Variants in CCBE1 observed in about 807,000 individuals in gnomAD.
CCBE1 encodes collagen and calcium-binding EGF domain-containing protein 1.
A neutral mutation model predicts 50.0 loss-of-function variants in CCBE1; 37 were observed. That is an observed-to-expected ratio of 0.74 (90% CI 0.57 to 0.97). CCBE1 has a LOEUF of 0.97. CCBE1 is among the 50% of genes least tolerant of loss of function. The pLI, the probability that CCBE1 is intolerant of heterozygous loss-of-function variation, is 0.00. For synonymous variants in CCBE1, 234 were observed against 203.7 expected (o/e 1.15, Z -1.27); for missense variants, 538 against 523.8 (o/e 1.03, Z -0.26).
intron 2 of CCBE1, among the ~76,000 whole-genome samples, chr18:59,539,285 T>G (rs1166856935): frequency 6.6e-6 from 1 of 151,946 alleles, no homozygotes; most frequent in Non-Finnish European, 1.5e-5. Flanking sequence ...GTGGCTTGCA[T>G]GCTTCGATGA....
chr18:59,488,123 G>A (rs1224315454), intron 2 of CCBE1, among the ~76,000 whole-genome samples: 1 of 152,170 alleles, frequency 6.6e-6, no homozygotes, highest in Non-Finnish European at 1.5e-5. Context: ...ACTTATACGA[G>A]GTACCTAGAG....
chr18:59,606,063 T>C (rs1043070146), intron 2 of CCBE1, among the ~76,000 whole-genome samples: 1 of 152,186 alleles, frequency 6.6e-6, no homozygotes, highest in Non-Finnish European at 1.5e-5. Context: ...GCGATTCAAC[T>C]CCCATTTACC....
chr18:59,483,859 C>T (rs1912691801), intron 2 of CCBE1, among the ~76,000 whole-genome samples: 1 of 152,112 alleles, frequency 6.6e-6, no homozygotes, highest in East Asian at 1.9e-4. Context: ...GCTAAGGTCC[C>T]CCTGCCTGTA....
intron 5 of CCBE1, chr18:59,464,025 T>C (rs984141108): frequency 6.6e-6 from 1 of 152,226 alleles, no homozygotes; most frequent in Non-Finnish European, 1.5e-5. Flanking sequence ...CACCCTGTTT[T>C]TCAGTGAGAT....
chr18:59,543,395 A>T (rs948313064), intron 2 of CCBE1, among the ~76,000 whole-genome samples: 1 of 152,208 alleles, frequency 6.6e-6, no homozygotes, highest in African/African-American at 2.4e-5. Context: ...AAAGACTTAA[A>T]ATTTTCTATA....
Position 59,696,696 on chromosome 18 carries a change from C to A in CCBE1, c.145G>T (p.Glu49Ter). 1.9e-6 allele frequency: 3 copies of A among 1,613,986 alleles called. No homozygotes were observed. Among genetic ancestry groups the A allele is most frequent in the Non-Finnish European group, 1.7e-6 (2 of 1,179,902 alleles). ...PEDGDREICS[E>*]SKIATTKYPC... Reference sequence around the variant, plus strand: ...TATTTAGTCGTCGCGATTTTGCTCTCTGAGCAGATTTCTCTATGAAAAAGT... The same window carrying A: ...TATTTAGTCGTCGCGATTTTGCTCTATGAGCAGATTTCTCTATGAAAAAGT... Residue 49 changes from glutamate (E) to a stop codon, truncating the protein, a stop_gained, in exon 2 of 11, where the codon GAG becomes TAG. Transcript: ENST00000439986. LOFTEE classifies it high-confidence loss of function.
chr18:59,580,447 C>G (rs976109846), intron 2 of CCBE1, among the ~76,000 whole-genome samples: 1 of 152,230 alleles, frequency 6.6e-6, no homozygotes, highest in Non-Finnish European at 1.5e-5. Context: ...ACCTGGAGCA[C>G]ATGTCGTCAG....
intron 2 of CCBE1, among the ~76,000 whole-genome samples, chr18:59,514,218 C>T (rs780296046): frequency 3.9e-5 from 6 of 152,114 alleles, no homozygotes; most frequent in African/African-American, 7.2e-5. Context: ...ATTACCGATA[C>T]GAAAATTGAG....
At chr18:59,579,526 A>T (rs1018765651) in intron 2 of CCBE1, among the ~76,000 whole-genome samples, 1 of 152,236 alleles carries the variant, frequency 6.6e-6, no homozygotes, top group Non-Finnish European at 1.5e-5. Context: ...AACTACTATC[A>T]TTATTCTGGT....
At chr18:59,674,275 A>G (rs2054469807) in intron 2 of CCBE1, among the ~76,000 whole-genome samples, 1 of 152,210 alleles carries the variant, frequency 6.6e-6, no homozygotes, top group Non-Finnish European at 1.5e-5. Flanking sequence ...GCACATATAC[A>G]CCATGGAATA....
At position 59,679,076 on chromosome 18, in the gene CCBE1, ACT is replaced by A. The variant is rs375111760; in HGVS notation, c.212+17551_212+17552del. Among the ~76,000 whole-genome samples the A allele has an allele frequency of 7.9e-4, 121 of 152,324 alleles. 5 individuals carry two copies. The South Asian group carries it at 0.024, about 30-fold the overall frequency. Reference sequence around the variant, plus strand: ...ATTATCTTTGGAGTCAAATGCATGAACTGCCTTTGAGGTGAAGTAATTTTTAT... The same window carrying A: ...ATTATCTTTGGAGTCAAATGCATGAAGCCTTTGAGGTGAAGTAATTTTTAT... On this transcript the variant is annotated intron_variant, in intron 2 of 10. Coordinates refer to ENST00000439986, the MANE Select transcript of CCBE1 (RefSeq NM_133459.4).
intron 2 of CCBE1, among the ~76,000 whole-genome samples, chr18:59,562,151 T>G (rs2052747951): frequency 6.6e-6 from 1 of 152,164 alleles, no homozygotes; most frequent in Admixed American, 6.5e-5. Context: ...ACAGTGAAAT[T>G]CTATCAAAAA....
chr18:59,510,454 C>T (rs1459418589), intron 2 of CCBE1, among the ~76,000 whole-genome samples: 1 of 151,796 alleles, frequency 6.6e-6, no homozygotes, highest in African/African-American at 2.4e-5. Flanking sequence ...GGAGTTTTGC[C>T]CTTGTCACCC....
intron 2 of CCBE1, among the ~76,000 whole-genome samples, chr18:59,525,674 T>C (rs142674238): frequency 2.0e-3 from 304 of 152,378 alleles, no homozygotes; most frequent in African/African-American, 6.9e-3. Context: ...CCTGTGCCTA[T>C]GTCCTGAATG....
intron 9 of CCBE1, 144 bp from the exon 10 acceptor site, chr18:59,438,290 C>T (rs1226314850): frequency 9.2e-6 from 7 of 756,786 alleles, no homozygotes; most frequent in Non-Finnish European, 1.6e-5. Flanking sequence ...CTGAGCTGGA[C>T]TCACGGGACC....
chr18:59,667,978 G>C (rs1053466602), intron 2 of CCBE1, among the ~76,000 whole-genome samples: 1 of 152,134 alleles, frequency 6.6e-6, no homozygotes, highest in Non-Finnish European at 1.5e-5. Context: ...ACCTATCGAG[G>C]GGTGGGGAGC....
intron 10 of CCBE1, among the ~76,000 whole-genome samples, chr18:59,437,598 ATAC>A (rs985932483): frequency 9.2e-5 from 14 of 152,368 alleles, no homozygotes; most frequent in African/African-American, 3.4e-4. Flanking sequence ...ATGCTTTTGA[ATAC>A]TACTATTTCT....
rs1216881173 is a variant in CCBE1 at position 59,469,507 on chromosome 18, C to G, written c.366G>C (p.Glu122Asp). The G allele has an allele frequency of 6.2e-7, 1 of 1,614,090 alleles. No individual in the cohort carries two copies. Among genetic ancestry groups the G allele is most frequent in the African/African-American group, 1.3e-5 (1 of 74,942 alleles). Residue 122 changes from glutamate (E) to aspartate (D), a missense_variant, in exon 4 of 11, where the codon GAG (glutamate) becomes GAC (aspartate). Physicochemically the swap from Glu to Asp is conservative, Grantham distance 45. Coordinates refer to ENST00000439986, the MANE Select transcript of CCBE1 (RefSeq NM_133459.4). ...ATGGCTTCTCCCGCTTCCGGTGTCT[C>G]TCCCGGTCATATCGGTATCCCGGAT... ...TCYPGYRYDRERHRKREKPYC... is the reference protein window; with the variant it reads ...TCYPGYRYDRDRHRKREKPYC...
chr18:59,517,411 C>A (rs1914418781), intron 2 of CCBE1, among the ~76,000 whole-genome samples: 1 of 152,170 alleles, frequency 6.6e-6, no homozygotes, highest in African/African-American at 2.4e-5. Flanking sequence ...TCTATGCATG[C>A]TCACAAGGAT....
Sources: allele counts gnomAD v4.1 joint callset (sites outside exome capture counted in the v4.1 genomes callset), GRCh38; gene constraint gnomAD v4.1.1; transcripts MANE v1.5; gene names NCBI Gene and HGNC (gene_info 2026-07-23, HGNC 2026-07-21).